NRCAM: variants seen among roughly 807,000 people sequenced by gnomAD.
NRCAM encodes the protein NgCAM-related cell adhesion molecule.
NRCAM carries 83 observed loss-of-function variants against 156.5 expected under a neutral mutation model. That is an observed-to-expected ratio of 0.53 (90% CI 0.44 to 0.64). The LOEUF is 0.64. Ranked by LOEUF, NRCAM falls within the 30% of genes least tolerant of loss-of-function variation. The pLI is 0.00. For synonymous variants in NRCAM, 538 were observed against 563.9 expected, an observed-to-expected ratio of 0.95 and a Z score of 0.65; for missense variants, 1,417 against 1,597.3, an observed-to-expected ratio of 0.89 and a Z score of 1.92.
intron 28 of NRCAM, among the ~76,000 whole-genome samples, chr7:108,173,468 AG>A (rs2059304337): frequency 6.6e-6 from 1 of 152,200 alleles, no homozygotes; most frequent in East Asian, 1.9e-4. Flanking sequence ...CATATGGAGA[AG>A]GGAAATAGTG....
At chr7:108,325,892 A>T (rs2154226022) in intron 2 of NRCAM, among the ~76,000 whole-genome samples, 1 of 152,152 alleles carries the variant, frequency 6.6e-6, no homozygotes, top group East Asian at 1.9e-4. Flanking sequence ...GATGCATAGA[A>T]CGTATCTCTG....
intron 1 of NRCAM, among the ~76,000 whole-genome samples, chr7:108,408,280 C>A (rs1791018017): frequency 6.6e-6 from 1 of 152,156 alleles, no homozygotes; most frequent in Admixed American, 6.5e-5. Context: ...CCAACATTCT[C>A]TTAAATGAAT....
chr7:108,438,884 A>C (rs1249304730), intron 1 of NRCAM, among the ~76,000 whole-genome samples: 1 of 152,192 alleles, frequency 6.6e-6, no homozygotes, highest in Non-Finnish European at 1.5e-5. Flanking sequence ...CAATAGCACC[A>C]CAAAAAATAA....
intron 2 of NRCAM, among the ~76,000 whole-genome samples, chr7:108,368,208 G>A (rs2099603882): frequency 6.9e-6 from 1 of 144,212 alleles, no homozygotes; most frequent in Non-Finnish European, 1.5e-5. Flanking sequence ...TCAGCCACGT[G>A]GAATCACACT....
At position 108,225,840 on chromosome 7, in the gene NRCAM, T is replaced by C. The variant is rs1237342486; in HGVS notation, c.722-139A>G. Reference sequence around the variant, plus strand: ...CAAGTAAAAACAGTGCTTTACATTGTACATGACTAACTCATTAATTTACTC... The same window carrying C: ...CAAGTAAAAACAGTGCTTTACATTGCACATGACTAACTCATTAATTTACTC... On this transcript the variant is annotated intron_variant, in intron 9 of 32. Coordinates refer to ENST00000379028, the MANE Select transcript of NRCAM (RefSeq NM_001037132.4). 4.2e-6 allele frequency: 3 copies of C among 705,896 alleles called. No individual in the cohort carries two copies. In the African/African-American group the frequency reaches 5.2e-5, roughly 12 times the overall value. The allele number at this position is 705,896 out of a possible 1,614,324, so 43.7% of individuals were successfully genotyped here.
chr7:108,222,017 T>A (rs1235864923), intron 11 of NRCAM, among the ~76,000 whole-genome samples: 1 of 150,906 alleles, frequency 6.6e-6, no homozygotes, highest in Non-Finnish European at 1.5e-5. Flanking sequence ...AAGTAAGAAA[T>A]AAACTGAGCA....
At position 108,226,395 on chromosome 7, in the gene NRCAM, A is replaced by C; in HGVS notation, c.551-17T>G. ...TTTGAAAGGCTGGAGAAAGGCAGAG[A>C]GATATCAAGATTATTCCATCATAAA... On this transcript the variant is annotated splice_polypyrimidine_tract_variant and intron_variant, in intron 8 of 32. Transcript: ENST00000379028. The C allele has an allele frequency of 6.3e-7, 1 of 1,597,520 alleles. No homozygotes were observed. Among genetic ancestry groups the C allele is most frequent in the Non-Finnish European group, 8.6e-7 (1 of 1,167,754 alleles).
chr7:108,191,378 G>A (rs1425781838), intron 18 of NRCAM, 95 bp from the exon 19 acceptor site: 1 of 969,168 alleles, frequency 1.0e-6, no homozygotes, highest in Non-Finnish European at 1.5e-6. Context: ...ATTATTCAAG[G>A]TTATAAAATT....
chr7:108,267,047 A>C (rs1305869672), intron 3 of NRCAM, among the ~76,000 whole-genome samples: 1 of 152,210 alleles, frequency 6.6e-6, no homozygotes, highest in African/African-American at 2.4e-5. Context: ...GACTCCAATT[A>C]TTCCAATAGG....
intron 2 of NRCAM, among the ~76,000 whole-genome samples, chr7:108,399,096 G>A (rs765765287): frequency 7.2e-5 from 11 of 152,120 alleles, no homozygotes; most frequent in Non-Finnish European, 1.3e-4. Flanking sequence ...TATTGAGGCT[G>A]ATAGAGACCC....
chr7:108,242,685 T>C (rs1294448006), intron 3 of NRCAM, among the ~76,000 whole-genome samples: 1 of 152,216 alleles, frequency 6.6e-6, no homozygotes, highest in Non-Finnish European at 1.5e-5. Flanking sequence ...AGGAAAATGG[T>C]TTATTTGTCT....
chr7:108,156,197 T>C, intron 32 of NRCAM: 5 of 594,856 alleles, frequency 8.4e-6, no homozygotes, highest in Non-Finnish European at 6.3e-6. Context: ...CTTGGCATCA[T>C]TCAAGCCTTA....
chr7:108,317,213 GGTTT>G (rs2098937155), intron 2 of NRCAM, among the ~76,000 whole-genome samples: 1 of 152,118 alleles, frequency 6.6e-6, no homozygotes, highest in African/African-American at 2.4e-5. Context: ...CTAGTTTGGG[GGTTT>G]GTTAGAATAG....
chr7:108,192,398 G>A (rs1442506707), intron 17 of NRCAM, among the ~76,000 whole-genome samples: 3 of 151,936 alleles, frequency 2.0e-5, no homozygotes, highest in Non-Finnish European at 4.4e-5. Context: ...ATATATATAT[G>A]TATATACATA....
In NRCAM at chr7:108,191,179, G is replaced by C. The variant is rs1008915185; in HGVS notation, c.1933+75C>G. On this transcript the variant is annotated intron_variant, in intron 19 of 32. Transcript: ENST00000379028. ...AAACACAATTATGTGACATAGAAAA[G>C]AAAGTTATGAATACTTTCTGCAAAT... The C allele has an allele frequency of 2.0e-5, 25 of 1,246,344 alleles. No homozygotes were observed. In the South Asian group the frequency reaches 2.2e-4, roughly 11 times the overall value. The allele number at this position is 1,246,344 out of a possible 1,614,324, so 77.2% of individuals were successfully genotyped here. A position where few individuals can be genotyped will look rare whatever the true frequency, so the allele number is the denominator to read the frequency against.
intron 2 of NRCAM, among the ~76,000 whole-genome samples, chr7:108,315,172 A>C (rs1050401166): frequency 6.6e-6 from 1 of 152,178 alleles, no homozygotes. Flanking sequence ...GCCTTTTATC[A>C]CTATAAAATG....
At chr7:108,454,772 A>G (rs991878021) in intron 1 of NRCAM, among the ~76,000 whole-genome samples, 1 of 151,972 alleles carries the variant, frequency 6.6e-6, no homozygotes, top group South Asian at 2.1e-4. Context: ...GCCTCATTAC[A>G]CTTGGCTCCA....
intron 2 of NRCAM, among the ~76,000 whole-genome samples, chr7:108,352,084 C>G (rs200894745): frequency 1.3e-5 from 2 of 152,268 alleles, no homozygotes; most frequent in East Asian, 3.9e-4. Context: ...CACCATTATA[C>G]AAAGTATTAT....
chr7:108,188,279 G>A (rs910895871), intron 20 of NRCAM, among the ~76,000 whole-genome samples: 22 of 152,234 alleles, frequency 1.4e-4, no homozygotes, highest in Non-Finnish European at 2.8e-4. Context: ...ATGGCCTCAC[G>A]TGAACTCTGC....
Sources: allele counts gnomAD v4.1 joint callset (sites outside exome capture counted in the v4.1 genomes callset), GRCh38; gene constraint gnomAD v4.1.1; transcripts MANE v1.5; gene names NCBI Gene and HGNC (gene_info 2026-07-23, HGNC 2026-07-21).